Variants in PCDH15 observed in about 807,000 individuals in gnomAD.
The protein encoded by PCDH15 is protocadherin-15.
PCDH15 carries 129 observed loss-of-function variants against 178.5 expected under a neutral mutation model. That is an observed-to-expected ratio of 0.72 (90% confidence interval 0.63 to 0.84). PCDH15 has a LOEUF of 0.84. Among genes scored for constraint, PCDH15 ranks in the 40% least tolerant of loss-of-function variants. The pLI is 0.00. For missense variants in PCDH15, 2,230 were observed against 2,099.9 expected, an observed-to-expected ratio of 1.06 and a Z score of -1.21; for synonymous variants, 800 against 732.0, an observed-to-expected ratio of 1.09 and a Z score of -1.50.
chr10:54,948,777 C>T (rs1438442128), intron 2 of PCDH15, among the ~76,000 whole-genome samples: 1 of 151,742 alleles, frequency 6.6e-6, no homozygotes, highest in East Asian at 1.9e-4. Context: ...TTATGTTTAT[C>T]GAGAGAACCT....
chr10:54,412,440 G>A lies in PCDH15; in HGVS notation c.158-33498C>T, dbSNP rs878967728. On this transcript the variant is annotated intron_variant, in intron 3 of 37. Transcript: ENST00000644397. ...TAAAATGCCTAAAGATTAATACTCC[G>A]CAAAGTATTTCAGTCAATTTCAAGT... 7.9e-5 allele frequency among the ~76,000 whole-genome samples: 12 copies of A among 151,976 alleles called. No homozygotes were observed. The East Asian group carries it at 1.9e-3, about 24-fold the overall frequency.
intron 2 of PCDH15, among the ~76,000 whole-genome samples, chr10:54,946,116 A>G (rs999679414): frequency 1.1e-4 from 16 of 151,850 alleles, no homozygotes; most frequent in African/African-American, 3.4e-4. Context: ...TTAGAATTAC[A>G]CTAAGATGAA....
intron 2 of PCDH15, among the ~76,000 whole-genome samples, chr10:54,965,518 C>T (rs531613747): frequency 2.0e-5 from 3 of 151,896 alleles, no homozygotes; most frequent in Non-Finnish European, 2.9e-5. Context: ...TCCATTAAAA[C>T]TGTTTATAAA....
At chr10:54,234,129 CTTCTGTGTGT>C (rs1940811493) in intron 9 of PCDH15, among the ~76,000 whole-genome samples, 1 of 109,846 alleles carries the variant, frequency 9.1e-6, no homozygotes, top group African/African-American at 3.5e-5. Context: ...TGGATATCCC[CTTCTGTGTGT>C]GTGTGTGTGT....
intron 15 of PCDH15, among the ~76,000 whole-genome samples, chr10:54,101,738 C>A (rs1411862831): frequency 6.6e-6 from 1 of 151,796 alleles, no homozygotes; most frequent in Non-Finnish European, 1.5e-5. Flanking sequence ...AGACTGAGAC[C>A]AGAAGATTAT....
chr10:54,073,815 A>T (rs1352557799), intron 17 of PCDH15, among the ~76,000 whole-genome samples: 1 of 152,210 alleles, frequency 6.6e-6, no homozygotes, highest in Non-Finnish European at 1.5e-5. Flanking sequence ...AAAATTACTG[A>T]TCACTGTTCG....
intron 15 of PCDH15, among the ~76,000 whole-genome samples, chr10:54,118,378 C>T (rs998177301): frequency 1.2e-4 from 19 of 152,002 alleles, no homozygotes; most frequent in East Asian, 1.9e-4. Context: ...AAAAGTAACC[C>T]GGCTGGGTGT....
intron 2 of PCDH15, among the ~76,000 whole-genome samples, chr10:55,007,937 T>C (rs138877528): frequency 2.1e-3 from 327 of 152,268 alleles, no homozygotes; most frequent in Non-Finnish European, 4.0e-3. Flanking sequence ...TTCAATAATA[T>C]TTTACAACTT....
At chr10:55,518,623 C>G (rs1277114791) in intron 2 of PCDH15, among the ~76,000 whole-genome samples, 2 of 151,908 alleles carry the variant, frequency 1.3e-5, no homozygotes, top group African/African-American at 2.4e-5. Flanking sequence ...TAAACACATG[C>G]CTTTCCCTTC....
intron 2 of PCDH15, among the ~76,000 whole-genome samples, chr10:54,951,778 T>C (rs994215074): frequency 6.6e-6 from 1 of 151,924 alleles, no homozygotes; most frequent in African/African-American, 2.4e-5. Context: ...GTATCTCAGA[T>C]TTTAATTTGC....
chr10:54,496,878 A>C (rs963843378), intron 3 of PCDH15, among the ~76,000 whole-genome samples: 1 of 152,124 alleles, frequency 6.6e-6, no homozygotes, highest in Non-Finnish European at 1.5e-5. Context: ...TGTATCCATA[A>C]CTTTACCCGT....
chr10:54,507,049 G>T (rs2081234026), intron 3 of PCDH15, among the ~76,000 whole-genome samples: 1 of 151,664 alleles, frequency 6.6e-6, no homozygotes, highest in Non-Finnish European at 1.5e-5. Context: ...TTTGCCTTTA[G>T]GATTCCTTTA....
chr10:53,865,032 T>C (rs955130016), intron 27 of PCDH15, among the ~76,000 whole-genome samples: 2 of 151,838 alleles, frequency 1.3e-5, no homozygotes, highest in African/African-American at 4.8e-5. Context: ...GCCCAGGATT[T>C]TGAGGTTGCA....
rs1471744351 is a variant in PCDH15 at position 54,183,528 on chromosome 10, T to C, written c.1506A>G (p.Ala502=). The change falls in exon 13 of 38, where the codon GCA becomes GCG. Residue 502 remains alanine, a synonymous_variant. Transcript: ENST00000644397. ...PVIVNIQVMD[A]NDNTPTFPEI... ...CAGGGAAGGTTGGCGTGTTATCATTTGCATCCATCACTTGAATATTGACGA... is the reference window on the plus strand; with the variant it reads ...CAGGGAAGGTTGGCGTGTTATCATTCGCATCCATCACTTGAATATTGACGA... 9.9e-6 allele frequency: 16 copies of C among 1,613,978 alleles called. No individual in the cohort carries two copies. Among genetic ancestry groups the C allele is most frequent in the Non-Finnish European group, 1.3e-5 (15 of 1,179,876 alleles).
intron 2 of PCDH15, among the ~76,000 whole-genome samples, chr10:55,010,482 G>C (rs1340412386): frequency 2.6e-5 from 4 of 152,080 alleles, no homozygotes; most frequent in African/African-American, 9.7e-5. Context: ...TGGGTAGGAG[G>C]CATAATGTAA....
intron 2 of PCDH15, among the ~76,000 whole-genome samples, chr10:55,605,267 C>A (rs367846142): frequency 2.6e-5 from 4 of 152,132 alleles, no homozygotes; most frequent in African/African-American, 7.2e-5. Context: ...GCTTACCAAC[C>A]AAAAAGAGTC....
At chr10:54,217,874 T>C (rs531770186) in intron 9 of PCDH15, among the ~76,000 whole-genome samples, 1 of 152,310 alleles carries the variant, frequency 6.6e-6, no homozygotes, top group Admixed American at 6.5e-5. Context: ...ATTCCGAGAC[T>C]ACTAAACTGA....
intron 14 of PCDH15, among the ~76,000 whole-genome samples, chr10:54,149,891 T>C (rs1320011406): frequency 6.6e-6 from 1 of 152,134 alleles, no homozygotes; most frequent in African/African-American, 2.4e-5. Context: ...AATACATTTT[T>C]AGAGTAGAAC....
chr10:54,419,455 A>G (rs967082549), intron 3 of PCDH15, among the ~76,000 whole-genome samples: 1 of 152,000 alleles, frequency 6.6e-6, no homozygotes, highest in African/African-American at 2.4e-5. Context: ...GGCAAATGGG[A>G]TTAATTTATT....
Sources: gnomAD v4.1 joint callset for allele counts (sites outside exome capture counted in the v4.1 genomes callset) on GRCh38, gnomAD v4.1.1 for gene constraint, MANE v1.5 for transcripts, NCBI Gene and HGNC (gene_info 2026-07-23, HGNC 2026-07-21) for gene names.